Variants in NFASC observed in about 807,000 individuals in gnomAD.
The protein encoded by NFASC is neurofascin homolog.
A neutral mutation model predicts 147.5 loss-of-function variants in NFASC; 43 were observed. The ratio of observed to expected loss-of-function variants is 0.29; its 90% CI spans 0.23 to 0.38. NFASC has a LOEUF of 0.38. Ranked by LOEUF, NFASC falls within the 10% of genes least tolerant of loss-of-function variation. The pLI, the probability that NFASC is intolerant of heterozygous loss-of-function variation, is 1.00. For synonymous variants in NFASC, 622 were observed against 665.5 expected, an observed-to-expected ratio of 0.93 and a Z score of 1.01; for missense variants, 1,320 against 1,689.0, an observed-to-expected ratio of 0.78 and a Z score of 3.83.
intron 2 of NFASC, among the ~76,000 whole-genome samples, chr1:204,932,018 C>T (rs1217928309): frequency 6.6e-6 from 1 of 152,070 alleles, no homozygotes; most frequent in Non-Finnish European, 1.5e-5. Flanking sequence ...GAGACATGGG[C>T]TGAGCAACCT....
At chr1:204,874,772 G>A (rs1175629280) in intron 1 of NFASC, among the ~76,000 whole-genome samples, 2 of 152,186 alleles carry the variant, frequency 1.3e-5, no homozygotes, top group Admixed American at 6.5e-5. Context: ...AGGAGGGCCC[G>A]GTGATAGAGT....
intron 1 of NFASC, among the ~76,000 whole-genome samples, chr1:204,874,321 A>G (rs2078310969): frequency 6.6e-6 from 1 of 152,218 alleles, no homozygotes; most frequent in Non-Finnish European, 1.5e-5. Context: ...GCAAGACCAC[A>G]TGCTAAATTC....
intron 8 of NFASC, among the ~76,000 whole-genome samples, chr1:204,958,110 C>T (rs535795098): frequency 2.0e-5 from 3 of 152,158 alleles, no homozygotes; most frequent in Non-Finnish European, 2.9e-5. Flanking sequence ...ACCAGCCTAT[C>T]GTACCTCAAC....
At chr1:204,897,699 G>A (rs1334878470) in intron 1 of NFASC, among the ~76,000 whole-genome samples, 3 of 147,524 alleles carry the variant, frequency 2.0e-5, no homozygotes, top group South Asian at 2.2e-4. Flanking sequence ...TCAGCCTCCC[G>A]AGTAGCTGGG....
intron 1 of NFASC, among the ~76,000 whole-genome samples, chr1:204,857,945 G>T (rs1414864406): frequency 2.2e-4 from 28 of 129,364 alleles, no homozygotes; most frequent in African/African-American, 8.6e-4. Flanking sequence ...TTGAGATGGA[G>T]TTTCACTCTT....
chr1:204,900,864 ATGGGGTCTTGCT>A (rs2084419300), intron 1 of NFASC, among the ~76,000 whole-genome samples: 2 of 152,110 alleles, frequency 1.3e-5, no homozygotes, highest in Non-Finnish European at 2.9e-5. Flanking sequence ...CAAAGTGGAA[ATGGGGTCTTGCT>A]ATGTTGTCCA....
chr1:204,874,526 G>A (rs1366232288), intron 1 of NFASC, among the ~76,000 whole-genome samples: 1 of 152,138 alleles, frequency 6.6e-6, no homozygotes, highest in Non-Finnish European at 1.5e-5. Context: ...GCTCTCCAGG[G>A]CCCTGCCCCC....
intron 2 of NFASC, among the ~76,000 whole-genome samples, chr1:204,929,969 G>A (rs1393781145): frequency 6.6e-6 from 1 of 152,206 alleles, no homozygotes; most frequent in Non-Finnish European, 1.5e-5. Context: ...GGGAGAGATG[G>A]AAGGGAGGTG....
At chr1:204,888,541 G>T (rs1010168724) in intron 1 of NFASC, among the ~76,000 whole-genome samples, 1 of 152,196 alleles carries the variant, frequency 6.6e-6, no homozygotes, top group Non-Finnish European at 1.5e-5. Flanking sequence ...CAGGTTGACT[G>T]GAATCTTCTG....
intron 23 of NFASC, chr1:204,989,866 G>A (rs986298588): frequency 6.6e-6 from 1 of 152,304 alleles, no homozygotes; most frequent in Non-Finnish European, 1.5e-5. Context: ...GGGCACTCTG[G>A]AAGCTGACAA....
intron 1 of NFASC, among the ~76,000 whole-genome samples, chr1:204,919,773 T>A (rs1395910071): frequency 6.6e-6 from 1 of 151,970 alleles, no homozygotes; most frequent in African/African-American, 2.4e-5. Context: ...GGACTACAGG[T>A]GTGCCCGGCT....
intron 2 of NFASC, among the ~76,000 whole-genome samples, 162 bp from the exon 3 acceptor site, chr1:204,944,064 C>G (rs1234909303): frequency 2.4e-4 from 36 of 152,294 alleles, no homozygotes; most frequent in Admixed American, 2.3e-3. Flanking sequence ...AAGAATTGTT[C>G]AGTCCCACGT....
chr1:205,020,193 C>G lies in NFASC; in HGVS notation c.*3654C>G, dbSNP rs1416989309. 3 of 152,264 alleles carry G rather than the reference C, an allele frequency of 2.0e-5. No homozygotes were observed. Among genetic ancestry groups the G allele is most frequent in the African/African-American group, 7.2e-5 (3 of 41,448 alleles). 9.4% of individuals were successfully genotyped at this position (152,264 alleles called of 1,614,324 possible). On this transcript the variant is annotated 3_prime_UTR_variant, in exon 30 of 30. Coordinates refer to ENST00000339876, the MANE Select transcript of NFASC (RefSeq NM_001005388.3). ...ATCAGCCAGTGCCAACATTGCTTGCCCTGCAAGGTGCAACTGAGCCCACAT... is the reference window on the plus strand; with the variant it reads ...ATCAGCCAGTGCCAACATTGCTTGCGCTGCAAGGTGCAACTGAGCCCACAT...
intron 1 of NFASC, among the ~76,000 whole-genome samples, chr1:204,876,184 A>C (rs1196216190): frequency 6.6e-6 from 1 of 152,136 alleles, no homozygotes. Context: ...AAATGTAGTC[A>C]TTTTAGAGTA....
rs900708177 is a variant in NFASC at position 204,975,235 on chromosome 1, A to C, written c.1559-36A>C. On this transcript the variant is annotated intron_variant, in intron 14 of 29. Transcript: ENST00000339876. This position sits in a 1 kb window ranked among gnomAD's most constrained non-coding sequence, Gnocchi z 4.0. ...GCCGCATGGGGATGCTGGGCAGAGA[A>C]CAGGCCAGTGGCGAGTGCTCTGGGC... 2 of 1,579,104 alleles carry C rather than the reference A, an allele frequency of 1.3e-6. No homozygotes were observed. Among genetic ancestry groups the C allele is most frequent in the Non-Finnish European group, 1.7e-6 (2 of 1,160,066 alleles).
chr1:205,001,815 C>T (rs891328237), intron 26 of NFASC, among the ~76,000 whole-genome samples: 2 of 152,152 alleles, frequency 1.3e-5, no homozygotes, highest in African/African-American at 4.8e-5. Context: ...GGTACAGATT[C>T]GTTGGACTGC....
At chr1:204,883,266 T>A (rs2080642911) in intron 1 of NFASC, among the ~76,000 whole-genome samples, 1 of 152,146 alleles carries the variant, frequency 6.6e-6, no homozygotes, top group South Asian at 2.1e-4. Context: ...GAATAGGAGT[T>A]TCAACTTGGA....
At chr1:204,965,152 G>A (rs1457674925) in intron 8 of NFASC, among the ~76,000 whole-genome samples, 1 of 152,128 alleles carries the variant, frequency 6.6e-6, no homozygotes, top group African/African-American at 2.4e-5. Context: ...TCAGGCATTA[G>A]GTCAGACCCC....
intron 1 of NFASC, among the ~76,000 whole-genome samples, chr1:204,897,044 G>A (rs1231773385): frequency 6.6e-6 from 1 of 152,108 alleles, no homozygotes; most frequent in Non-Finnish European, 1.5e-5. Flanking sequence ...AATACTGACT[G>A]TAGGTTCCCC....
Sources: allele counts gnomAD v4.1 joint callset (sites outside exome capture counted in the v4.1 genomes callset), GRCh38; gene constraint gnomAD v4.1.1; non-coding constraint Gnocchi (gnomAD v3.1); transcripts MANE v1.5; gene names NCBI Gene and HGNC (gene_info 2026-07-23, HGNC 2026-07-21).